The following ST18 variants were observed in gnomAD, a reference collection of about 807,000 sequenced individuals.
ST18 encodes suppression of tumorigenicity 18 protein.
ST18 carries 50 observed loss-of-function variants against 110.0 expected under a neutral mutation model. The observed-to-expected ratio is 0.45, with a 90% CI of 0.36 to 0.58. ST18 has a LOEUF of 0.58. Ranked by LOEUF, ST18 falls within the 20% of genes least tolerant of loss-of-function variation. The probability of loss-of-function intolerance (pLI) is 0.00; values close to 1 mark genes in which losing one functional copy is unlikely to be tolerated. For synonymous variants in ST18, 461 were observed against 452.4 expected (o/e 1.02, Z -0.24); for missense variants, 1,306 against 1,280.1 (o/e 1.02, Z -0.31).
Position 52,381,043 on chromosome 8 carries a change from C to T in ST18, c.-465+28285G>A, listed in dbSNP as rs551698941. ...TAAGAGAAGAGGCAGGTTATAAATA[C>T]GGTCAGTATTGTGGTGGCCTGATGA... is the stretch of plus-strand genomic sequence containing the variant. On this transcript the variant is annotated intron_variant, in intron 2 of 25. Transcript: ENST00000689386. Among the ~76,000 whole-genome samples, 64 of 152,270 alleles carry T rather than the reference C, an allele frequency of 4.2e-4. 1 individual carries two copies. The highest frequency in any genetic ancestry group is 3.0e-3 in the Admixed American group (46 of 15,286).
At chr8:52,285,553 G>A (rs1050526171) in intron 2 of ST18, among the ~76,000 whole-genome samples, 1 of 152,132 alleles carries the variant, frequency 6.6e-6, no homozygotes, top group East Asian at 1.9e-4. Context: ...AGCAAAAGGT[G>A]CTTCTAAGTC....
At chr8:52,114,753 CTT>C (rs1157696705) in intron 25 of ST18, among the ~76,000 whole-genome samples, 2 of 152,130 alleles carry the variant, frequency 1.3e-5, no homozygotes. Flanking sequence ...GCTCTGGAAA[CTT>C]GATCAAATTA....
At chr8:52,201,115 T>G (rs2077805849) in intron 8 of ST18, 1 of 152,374 alleles carries the variant, frequency 6.6e-6, no homozygotes, top group African/African-American at 2.4e-5. Flanking sequence ...CAAGGAGACC[T>G]GAGAAGATGC....
intron 17 of ST18, among the ~76,000 whole-genome samples, chr8:52,138,346 T>C (rs1300527528): frequency 1.3e-5 from 2 of 152,236 alleles, no homozygotes; most frequent in Non-Finnish European, 2.9e-5. Flanking sequence ...AGCCTAAGAA[T>C]AGGCTCTCAG....
intron 2 of ST18, among the ~76,000 whole-genome samples, chr8:52,312,909 G>T (rs944009906): frequency 6.6e-6 from 1 of 152,130 alleles, no homozygotes; most frequent in Non-Finnish European, 1.5e-5. Flanking sequence ...CCAGCCCCTT[G>T]GTTTCTAGAG....
At chr8:52,257,083 T>C (rs749339428) in intron 2 of ST18, among the ~76,000 whole-genome samples, 2 of 152,194 alleles carry the variant, frequency 1.3e-5, no homozygotes. Context: ...ACTGGCCTCT[T>C]TCACTTACCA....
In ST18 at chr8:52,134,605, C is replaced by CT. The variant is rs561075135; in HGVS notation, c.2301-1305dup. Among the ~76,000 whole-genome samples the CT allele has an allele frequency of 1.7e-3, 257 of 149,336 alleles. 2 individuals are homozygous for CT. The highest frequency in any genetic ancestry group is 4.6e-3 in the African/African-American group (189 of 40,838). On this transcript the variant is annotated intron_variant, in intron 19 of 25. Coordinates refer to ENST00000689386, the MANE Select transcript of ST18 (RefSeq NM_001352837.2). Reference sequence around the variant, plus strand: ...AGTCAGAAAATAGGGAACAAATTGCCTTTTTTTTTTCTTTTTTCAAATGTA... The same window carrying CT: ...AGTCAGAAAATAGGGAACAAATTGCCTTTTTTTTTTTCTTTTTTCAAATGTA...
intron 8 of ST18, among the ~76,000 whole-genome samples, chr8:52,188,731 C>T (rs1011214926): frequency 6.6e-6 from 1 of 152,146 alleles, no homozygotes; most frequent in Non-Finnish European, 1.5e-5. Context: ...TGTGGCTGTA[C>T]TAGCAGTGGT....
chr8:52,209,474 T>A (rs769786202), intron 8 of ST18, among the ~76,000 whole-genome samples: 3 of 152,084 alleles, frequency 2.0e-5, no homozygotes, highest in Non-Finnish European at 4.4e-5. Flanking sequence ...AGGACCCCAA[T>A]AAATATTAGT....
intron 9 of ST18, among the ~76,000 whole-genome samples, chr8:52,173,463 T>A (rs1315209139): frequency 6.6e-6 from 1 of 152,182 alleles, no homozygotes. Context: ...GGGTGGCTGT[T>A]GTCCCAGGCA....
intron 17 of ST18, among the ~76,000 whole-genome samples, chr8:52,142,390 T>G (rs1054178129): frequency 6.6e-6 from 1 of 152,200 alleles, no homozygotes; most frequent in Non-Finnish European, 1.5e-5. Context: ...CTGTAAACTC[T>G]CATTAACTGG....
At chr8:52,348,534 C>T (rs1309274013) in intron 2 of ST18, among the ~76,000 whole-genome samples, 1 of 152,242 alleles carries the variant, frequency 6.6e-6, no homozygotes, top group Non-Finnish European at 1.5e-5. Context: ...GGGCATATCA[C>T]CTGAGTTCGA....
At chr8:52,130,118 G>GAAAGA (rs2048765304) in intron 22 of ST18, among the ~76,000 whole-genome samples, 2 of 39,324 alleles carry the variant, frequency 5.1e-5, no homozygotes, top group African/African-American at 1.7e-4. Context: ...AAGAAAGAAA[G>GAAAGA]AAAAGAAAGA....
At chr8:52,132,514 AC>A (rs1054949428) in intron 21 of ST18, among the ~76,000 whole-genome samples, 1 of 152,184 alleles carries the variant, frequency 6.6e-6, no homozygotes. Context: ...CCACATAAGG[AC>A]TATGTTATGT....
At chr8:52,286,357 G>C (rs1180615824) in intron 2 of ST18, among the ~76,000 whole-genome samples, 1 of 152,144 alleles carries the variant, frequency 6.6e-6, no homozygotes, top group East Asian at 1.9e-4. Context: ...GAGATGAACT[G>C]CATTGTCTAA....
At position 52,149,788 on chromosome 8, in the gene ST18, A is replaced by C; in HGVS notation, c.1996T>G (p.Trp666Gly). The C allele has an allele frequency of 6.2e-7, 1 of 1,614,206 alleles. No individual in the cohort carries two copies. The highest frequency in any genetic ancestry group is 2.2e-5 in the East Asian group (1 of 44,886). The change falls in exon 16 of 26, where the codon TGG becomes GGG. Residue 666 changes from tryptophan (W) to glycine (G), a missense_variant. Trp to Gly is a radical substitution (Grantham distance 184). Coordinates refer to ENST00000689386, the MANE Select transcript of ST18 (RefSeq NM_001352837.2). ...FYQALCDQEG[W>G]DTPINYSKTH... is the part of the protein sequence containing the mutation. ...TTGCTATAGTTGATAGGAGTGTCCC[A>C]GCCCTCTTGGTCACAAAGAGCCTGA...
intron 17 of ST18, among the ~76,000 whole-genome samples, chr8:52,140,282 C>A (rs1030164556): frequency 6.6e-6 from 1 of 152,204 alleles, no homozygotes; most frequent in Non-Finnish European, 1.5e-5. Context: ...GTAATTCCAG[C>A]ACTTTGGGAG....
At chr8:52,355,308 C>A (rs974838154) in intron 2 of ST18, among the ~76,000 whole-genome samples, 1 of 152,224 alleles carries the variant, frequency 6.6e-6, no homozygotes, top group African/African-American at 2.4e-5. Context: ...AATGGTCTAT[C>A]TAATGGCCGT....
intron 2 of ST18, among the ~76,000 whole-genome samples, chr8:52,301,174 G>A (rs969175498): frequency 6.6e-5 from 10 of 152,108 alleles, no homozygotes; most frequent in Non-Finnish European, 1.3e-4. Context: ...ATGCTATTAC[G>A]AGCAGGTTTC....
Sources: allele counts gnomAD v4.1 joint callset (sites outside exome capture counted in the v4.1 genomes callset), GRCh38; gene constraint gnomAD v4.1.1; transcripts MANE v1.5; gene names NCBI Gene and HGNC (gene_info 2026-07-23, HGNC 2026-07-21).